The following COX7B2 variants were observed in gnomAD, a reference collection of about 807,000 sequenced individuals.
COX7B2 encodes cytochrome c oxidase subunit 7B2.
For missense variants in COX7B2, 109 were observed against 95.9 expected (o/e 1.14, Z -0.57); for synonymous variants, 37 against 32.1 (o/e 1.15, Z -0.51).
At chr4:46,780,011 G>A (rs1006876771) in intron 2 of COX7B2, among the ~76,000 whole-genome samples, 12 of 152,272 alleles carry the variant, frequency 7.9e-5, no homozygotes, top group African/African-American at 2.9e-4. Context: ...TTGTGTGACT[G>A]TGGTAATAAT....
intron 2 of COX7B2, among the ~76,000 whole-genome samples, chr4:46,760,122 G>C (rs1408791479): frequency 6.6e-6 from 1 of 151,992 alleles, no homozygotes; most frequent in Non-Finnish European, 1.5e-5. Context: ...AAGGAGATTA[G>C]TTCAACCATT....
chr4:46,789,182 G>A (rs1236460594), intron 2 of COX7B2, among the ~76,000 whole-genome samples: 1 of 152,142 alleles, frequency 6.6e-6, no homozygotes, highest in Non-Finnish European at 1.5e-5. Flanking sequence ...TGATTAGCTA[G>A]TGTATAGATT....
At chr4:46,756,844 A>T (rs1380722223) in intron 2 of COX7B2, among the ~76,000 whole-genome samples, 3 of 152,110 alleles carry the variant, frequency 2.0e-5, no homozygotes, top group Non-Finnish European at 4.4e-5. Context: ...GTGGGAGTGT[A>T]AATTAGTACA....
chr4:46,780,524 A>C (rs527743087), intron 2 of COX7B2, among the ~76,000 whole-genome samples: 15 of 152,314 alleles, frequency 9.8e-5, no homozygotes, highest in African/African-American at 2.9e-4. Context: ...CTCAAAAAGA[A>C]AAAACAAAAA....
At chr4:46,846,515 G>A (rs533389941) in intron 1 of COX7B2, among the ~76,000 whole-genome samples, 1 of 151,960 alleles carries the variant, frequency 6.6e-6, no homozygotes, top group Non-Finnish European at 1.5e-5. Flanking sequence ...AAGGCCATGA[G>A]GGAGGTGAGG....
At chr4:46,834,063 T>C (rs1715347285) in intron 2 of COX7B2, among the ~76,000 whole-genome samples, 1 of 152,096 alleles carries the variant, frequency 6.6e-6, no homozygotes, top group African/African-American at 2.4e-5. Flanking sequence ...CAACAAAATC[T>C]GAAAAGATTT....
intron 1 of COX7B2, among the ~76,000 whole-genome samples, chr4:46,892,501 T>A (rs1719487010): frequency 6.6e-6 from 1 of 152,172 alleles, no homozygotes; most frequent in African/African-American, 2.4e-5. Context: ...GTTACTTTAA[T>A]GACTTCCCCA....
At chr4:46,889,529 T>C (rs1165181361) in intron 1 of COX7B2, among the ~76,000 whole-genome samples, 2 of 152,204 alleles carry the variant, frequency 1.3e-5, no homozygotes, top group African/African-American at 4.8e-5. Context: ...GGAAGCAAGA[T>C]AGGCAAGGCT....
intron 1 of COX7B2, among the ~76,000 whole-genome samples, chr4:46,906,860 C>G (rs1261982284): frequency 6.6e-6 from 1 of 152,136 alleles, no homozygotes; most frequent in Admixed American, 6.5e-5. Flanking sequence ...CCAATATGCC[C>G]CTCTTGCTTG....
chr4:46,804,323 T>A (rs1374117843), intron 2 of COX7B2, among the ~76,000 whole-genome samples: 2 of 152,146 alleles, frequency 1.3e-5, no homozygotes, highest in African/African-American at 4.8e-5. Context: ...CCCTACCAGG[T>A]TGCCACTGCT....
chr4:46,874,555 CTT>C (rs1718203101), intron 1 of COX7B2, among the ~76,000 whole-genome samples: 2 of 152,256 alleles, frequency 1.3e-5, no homozygotes, highest in South Asian at 4.1e-4. Context: ...TATCAATTCT[CTT>C]GTGTGGTTTT....
intron 2 of COX7B2, among the ~76,000 whole-genome samples, chr4:46,779,028 T>G (rs1717304242): frequency 6.6e-6 from 1 of 152,208 alleles, no homozygotes; most frequent in South Asian, 2.1e-4. Context: ...ACAATTCTTT[T>G]GACAAAGAGT....
At chr4:46,782,513 TG>T (rs1448512925) in intron 2 of COX7B2, among the ~76,000 whole-genome samples, 2 of 141,796 alleles carry the variant, frequency 1.4e-5, no homozygotes, top group African/African-American at 2.6e-5. Flanking sequence ...AGCAGGATGT[TG>T]GGGGCGGGGG....
chr4:46,782,972 A>G (rs1717563405), intron 2 of COX7B2, among the ~76,000 whole-genome samples: 1 of 152,160 alleles, frequency 6.6e-6, no homozygotes, highest in African/African-American at 2.4e-5. Flanking sequence ...GAACCCACCA[A>G]TTCCGGACAT....
intron 2 of COX7B2, among the ~76,000 whole-genome samples, chr4:46,752,425 G>C (rs572886118): frequency 3.3e-5 from 5 of 151,990 alleles, no homozygotes; most frequent in South Asian, 2.1e-4. Flanking sequence ...TCTCCTGCCT[G>C]ATTACCCTGG....
At chr4:46,764,430 A>T (rs1716403848) in intron 2 of COX7B2, among the ~76,000 whole-genome samples, 2 of 152,062 alleles carry the variant, frequency 1.3e-5, no homozygotes, top group South Asian at 4.1e-4. Flanking sequence ...CTGTAATCCC[A>T]GCTACTCGGG....
intron 1 of COX7B2, among the ~76,000 whole-genome samples, chr4:46,879,659 T>G (rs1718581379): frequency 1.3e-5 from 2 of 151,914 alleles, no homozygotes; most frequent in African/African-American, 4.8e-5. Flanking sequence ...TTGTACCTCT[T>G]CAATACATTT....
At chr4:46,790,081 C>G (rs1220226274) in intron 2 of COX7B2, among the ~76,000 whole-genome samples, 1 of 151,730 alleles carries the variant, frequency 6.6e-6, no homozygotes, top group African/African-American at 2.4e-5. Context: ...TGAAAAGGTA[C>G]TACTCTATAA....
intron 2 of COX7B2, among the ~76,000 whole-genome samples, chr4:46,766,180 A>G (rs1716523368): frequency 6.6e-6 from 1 of 152,246 alleles, no homozygotes; most frequent in South Asian, 2.1e-4. Context: ...AATTAATAGT[A>G]TGAAAACATA....
Sources: gnomAD v4.1 joint callset for allele counts (sites outside exome capture counted in the v4.1 genomes callset) on GRCh38, gnomAD v4.1.1 for gene constraint, MANE v1.5 for transcripts, NCBI Gene and HGNC (gene_info 2026-07-23, HGNC 2026-07-21) for gene names.